Variants in ROBO2 observed in about 807,000 individuals in gnomAD.
The protein encoded by ROBO2 is roundabout homolog 2.
A neutral mutation model predicts 160.8 loss-of-function variants in ROBO2; 53 were observed. That is an observed-to-expected ratio of 0.33 (90% confidence interval 0.26 to 0.41). The LOEUF is 0.41. Ranked by LOEUF, ROBO2 falls within the 10% of genes least tolerant of loss-of-function variation. ROBO2 has a pLI of 1.00. For missense variants in ROBO2, 1,577 were observed against 1,722.4 expected, an observed-to-expected ratio of 0.92 and a Z score of 1.49; for synonymous variants, 664 against 611.7, an observed-to-expected ratio of 1.09 and a Z score of -1.26.
rs574745262 is a variant in ROBO2 at position 77,434,718 on chromosome 3, G to A, written c.389-42696G>A. On this transcript the variant is annotated intron_variant, in intron 2 of 25. Transcript: ENST00000461745. ...AAAAGTTGATGAGTTCCAGCTACTGGATCCTAGGTAAGGAAGAGCAAATCA... is the reference window on the plus strand; with the variant it reads ...AAAAGTTGATGAGTTCCAGCTACTGAATCCTAGGTAAGGAAGAGCAAATCA... Among the ~76,000 whole-genome samples the A allele has an allele frequency of 3.3e-5, 5 of 152,242 alleles. No individual in the cohort carries two copies. In the South Asian group the frequency reaches 1.0e-3, roughly 32 times the overall value.
chr3:76,544,075 A>C (rs554064340), intron 2 of ROBO2, among the ~76,000 whole-genome samples: 1 of 152,128 alleles, frequency 6.6e-6, no homozygotes, highest in East Asian at 1.9e-4. Context: ...TCTCATTCCC[A>C]CAATAGCCTT....
At chr3:77,267,551 G>C (rs995708747) in intron 2 of ROBO2, among the ~76,000 whole-genome samples, 5 of 152,172 alleles carry the variant, frequency 3.3e-5, no homozygotes, top group Non-Finnish European at 5.9e-5. Context: ...TTAGTGGGTA[G>C]GTGTGATTAT....
intron 2 of ROBO2, among the ~76,000 whole-genome samples, chr3:76,039,910 A>G (rs2067228717): frequency 6.6e-6 from 1 of 152,182 alleles, no homozygotes; most frequent in Middle Eastern, 3.4e-3. Context: ...AATAAATGAC[A>G]TGACATCCTG....
At chr3:76,080,037 A>C (rs1488262559) in intron 2 of ROBO2, among the ~76,000 whole-genome samples, 1 of 152,172 alleles carries the variant, frequency 6.6e-6, no homozygotes, top group Non-Finnish European at 1.5e-5. Flanking sequence ...CAATATTTAA[A>C]TGCTTTTCCC....
At chr3:76,469,746 C>A (rs530654185) in intron 2 of ROBO2, among the ~76,000 whole-genome samples, 1 of 152,030 alleles carries the variant, frequency 6.6e-6, no homozygotes, top group Non-Finnish European at 1.5e-5. Context: ...GTTCTACTCC[C>A]GCACCCCTAT....
chr3:77,038,646 TCTC>T (rs1253890214), upstream of ROBO2, among the ~76,000 whole-genome samples: 2 of 151,968 alleles, frequency 1.3e-5, no homozygotes, highest in Non-Finnish European at 2.9e-5. Flanking sequence ...TAAGCCGCCT[TCTC>T]ATCATCTGAA....
chr3:77,518,017 A>T (rs146164143), intron 5 of ROBO2, among the ~76,000 whole-genome samples: 30 of 151,652 alleles, frequency 2.0e-4, no homozygotes, highest in African/African-American at 7.2e-4. Flanking sequence ...TGACCTGAAG[A>T]TGAGATAATT....
intron 2 of ROBO2, among the ~76,000 whole-genome samples, chr3:76,398,260 G>A (rs1281314405): frequency 6.7e-6 from 1 of 150,218 alleles, no homozygotes; most frequent in Non-Finnish European, 1.5e-5. Flanking sequence ...TCACTCATAG[G>A]TGGGAATTGA....
intron 2 of ROBO2, among the ~76,000 whole-genome samples, chr3:76,364,237 A>C (rs2075683762): frequency 6.6e-6 from 1 of 152,064 alleles, no homozygotes; most frequent in Non-Finnish European, 1.5e-5. Context: ...ACACTCCAGG[A>C]ATACCTTCCC....
chr3:77,527,511 A>G (rs1201019962), intron 6 of ROBO2, 97 bp downstream of exon 7: 20 of 956,668 alleles, frequency 2.1e-5, no homozygotes, highest in Non-Finnish European at 2.8e-6. Flanking sequence ...TATTTATTTT[A>G]CCCATGTTAA....
In ROBO2 at chr3:76,004,538, G is replaced by A. The variant is rs144287827; in HGVS notation, c.109+66936G>A. ...AATTCAAGTTACTGACAGATTCAGT[G>A]CCTGGTAATGACTCACTTCCTGATT... On this transcript the variant is annotated intron_variant, in intron 2 of 26. Transcript: ENST00000487694. 6.6e-3 allele frequency among the ~76,000 whole-genome samples: 1,008 copies of A among 152,234 alleles called. 9 individuals carry two copies. Among genetic ancestry groups the A allele is most frequent in the Admixed American group, 0.013 (197 of 15,294 alleles).
intron 2 of ROBO2, among the ~76,000 whole-genome samples, chr3:77,420,401 T>C (rs1195968626): frequency 2.0e-5 from 3 of 152,144 alleles, no homozygotes; most frequent in Non-Finnish European, 4.4e-5. Context: ...AAGGTAGATA[T>C]TGGGCTTTCT....
At chr3:76,217,209 C>A (rs1703603640) in intron 2 of ROBO2, among the ~76,000 whole-genome samples, 1 of 152,084 alleles carries the variant, frequency 6.6e-6, no homozygotes, top group Non-Finnish European at 1.5e-5. Flanking sequence ...CAAGAGAAAG[C>A]AGGAAAGATC....
intron 2 of ROBO2, among the ~76,000 whole-genome samples, chr3:76,837,567 G>T (rs2067816354): frequency 1.3e-5 from 2 of 149,466 alleles, no homozygotes; most frequent in Non-Finnish European, 3.0e-5. Context: ...AGTGCAATTA[G>T]CTCACATATA....
intron 2 of ROBO2, among the ~76,000 whole-genome samples, chr3:76,221,140 A>C (rs1375861903): frequency 6.6e-6 from 1 of 152,210 alleles, no homozygotes; most frequent in Non-Finnish European, 1.5e-5. Flanking sequence ...GGCAATATTG[A>C]CTGTTTCTGT....
At chr3:76,321,873 C>T (rs1244470589) in intron 2 of ROBO2, among the ~76,000 whole-genome samples, 3 of 151,988 alleles carry the variant, frequency 2.0e-5, no homozygotes, top group South Asian at 2.1e-4. Context: ...ACTTTCTTAC[C>T]GGTCACCCTG....
intron 2 of ROBO2, among the ~76,000 whole-genome samples, chr3:76,668,282 G>T (rs2110137767): frequency 6.6e-6 from 1 of 151,404 alleles, no homozygotes; most frequent in Middle Eastern, 3.4e-3. Flanking sequence ...AAAAATTGTA[G>T]AGAGAGAAAG....
chr3:76,592,938 C>G (rs1258257560), intron 2 of ROBO2, among the ~76,000 whole-genome samples: 1 of 152,018 alleles, frequency 6.6e-6, no homozygotes, highest in African/African-American at 2.4e-5. Flanking sequence ...TCAATAGTGC[C>G]TTATGGTAGT....
intron 2 of ROBO2, among the ~76,000 whole-genome samples, chr3:76,632,198 G>A (rs560950621): frequency 6.6e-6 from 1 of 152,294 alleles, no homozygotes; most frequent in African/African-American, 2.4e-5. Context: ...GGAAACATTG[G>A]AGAAGTCACT....
Sources: gnomAD v4.1 joint callset for allele counts (sites outside exome capture counted in the v4.1 genomes callset) on GRCh38, gnomAD v4.1.1 for gene constraint, MANE v1.5 for transcripts, NCBI Gene and HGNC (gene_info 2026-07-23, HGNC 2026-07-21) for gene names.